Variants in ONECUT3 observed in about 807,000 individuals in gnomAD.
ONECUT3 encodes the protein one cut domain family member 3.
In ONECUT3, 11 loss-of-function variants were observed where a neutral mutation model predicts 16.8. That is an observed-to-expected ratio of 0.66 (90% CI 0.41 to 1.09). The LOEUF is 1.09. ONECUT3 is among the 50% of genes least tolerant of loss of function. The pLI is 0.00. For missense variants in ONECUT3, 637 were observed against 629.9 expected, an observed-to-expected ratio of 1.01 and a Z score of -0.12; for synonymous variants, 344 against 310.7, an observed-to-expected ratio of 1.11 and a Z score of -1.13.
chr19:1,771,634 C>T (rs990413761), intron 1 of ONECUT3, among the ~76,000 whole-genome samples: 22 of 152,244 alleles, frequency 1.4e-4, no homozygotes, highest in Middle Eastern at 3.4e-3. Context: ...TTCACAACAA[C>T]GAGGCTTGAG....
chr19:1,753,909 G>T lies in ONECUT3; in HGVS notation c.247G>T (p.Glu83Ter). ...GGGCGGCGGCGCGGACTTCCGCGGGGAACTGGCGGGCCCGCTGCACCCGGC... is the reference window on the plus strand; with the variant it reads ...GGGCGGCGGCGCGGACTTCCGCGGGTAACTGGCGGGCCCGCTGCACCCGGC... ...SAGGGADFRG[E>*]LAGPLHPAMG... Residue 83 changes from glutamate to a stop codon, truncating the protein, a stop_gained, in exon 1 of 2, where the codon GAA becomes TAA. Transcript: ENST00000382349. LOFTEE classifies it high-confidence loss of function. 1 of 983,292 alleles carries T rather than the reference G, an allele frequency of 1.0e-6. No homozygotes were observed. Among genetic ancestry groups the T allele is most frequent in the Non-Finnish European group, 1.2e-6 (1 of 830,034 alleles). The allele number at this position is 983,292 out of a possible 1,614,324, so 60.9% of individuals were successfully genotyped here.
intron 1 of ONECUT3, among the ~76,000 whole-genome samples, chr19:1,769,073 GTGGAAGTGGAGGTGGAGGTGA>G (rs1418215930): frequency 2.0e-5 from 3 of 146,486 alleles, no homozygotes; most frequent in Non-Finnish European, 4.5e-5. Flanking sequence ...GGTGGAGGTG[GTGGAAGTGGAGGTGGAGGTGA>G]TGGAGGAGGA....
chr19:1,763,732 GT>G (rs35077722), intron 1 of ONECUT3, among the ~76,000 whole-genome samples: 1,675 of 134,474 alleles, frequency 0.012, 16 homozygotes, highest in African/African-American at 0.036. Flanking sequence ...TCCCTTTTTT[GT>G]TTTTTTTTTT....
rs2068091900 is a variant in ONECUT3 at position 1,775,044 on chromosome 19, TCTC to T, written c.1193-107_1193-105del. On this transcript the variant is annotated intron_variant, in intron 1 of 1. Transcript: ENST00000382349. ...ATTCGCCTTTCCCCAACGTGTCCCT[TCTC>T]CCCTCCTCCTCATCCTCCGGGCGGC... 142 of 665,144 alleles carry T rather than the reference TCTC, an allele frequency of 2.1e-4. 3 individuals carry two copies. The South Asian group carries it at 2.8e-3, about 13-fold the overall frequency. 41.2% of individuals were successfully genotyped at this position (665,144 alleles called of 1,614,324 possible). A position where few individuals can be genotyped will look rare whatever the true frequency, so the allele number is the denominator to read the frequency against.
In ONECUT3 at chr19:1,762,374, C is replaced by A. The variant is rs57441403; in HGVS notation, c.1192+7520C>A. The stretch of plus-strand genomic sequence containing the variant: ...GAGTAGACCCTCAGTGAGTGGGATG[C>A]GCGAGTTGGGGACGCTAGTTGCGGG... On this transcript the variant is annotated intron_variant, in intron 1 of 1. Transcript: ENST00000382349. The surrounding 1 kb of genome is among the most constrained non-coding windows in gnomAD (Gnocchi z 4.4). Among the ~76,000 whole-genome samples the A allele has an allele frequency of 0.027, 4,040 of 152,310 alleles. 230 individuals carry two copies. The highest frequency in any genetic ancestry group is 0.24 in the East Asian group (1,244 of 5,164).
At chr19:1,760,080 CCCT>C (rs145473656) in intron 1 of ONECUT3, among the ~76,000 whole-genome samples, 4,050 of 152,320 alleles carry the variant, frequency 0.027, 87 homozygotes, top group Non-Finnish European at 0.043. Flanking sequence ...ACAGCCCTTC[CCCT>C]CCTCCTCAGC....
chr19:1,757,924 C>G (rs13382049), intron 1 of ONECUT3, among the ~76,000 whole-genome samples: 4 of 152,224 alleles, frequency 2.6e-5, no homozygotes. Flanking sequence ...GCCGCCCTTT[C>G]TACTCCGGCA....
chr19:1,768,244 G>A (rs1344831664), intron 1 of ONECUT3, among the ~76,000 whole-genome samples: 1 of 150,878 alleles, frequency 6.6e-6, no homozygotes. Context: ...GCCTCGCAGG[G>A]AAGGAGATAC....
Position 1,753,640 on chromosome 19 carries a change from G to A in ONECUT3, c.-23G>A. On this transcript the variant is annotated 5_prime_UTR_variant, in exon 1 of 2. Transcript: ENST00000382349. ...ACTAGGGGCCGGCGCTGAGGAGCGCGCGCGGCGGGAGGGCAGCCGAGCATG... is the reference window on the plus strand; with the variant it reads ...ACTAGGGGCCGGCGCTGAGGAGCGCACGCGGCGGGAGGGCAGCCGAGCATG... 1.0e-6 allele frequency: 1 copy of A among 993,980 alleles called. No homozygotes were observed. Among genetic ancestry groups the A allele is most frequent in the Non-Finnish European group, 1.2e-6 (1 of 820,360 alleles). The allele number at this position is 993,980 out of a possible 1,614,324, so 61.6% of individuals were successfully genotyped here.
chr19:1,775,347 A>T lies in ONECUT3; in HGVS notation c.1387A>T (p.Met463Leu). The change falls in exon 2 of 2, where the codon ATG (methionine) becomes TTG (leucine). Residue 463 changes from methionine (M) to leucine (L), a missense_variant. Physicochemically the swap from Met to Leu is conservative, Grantham distance 15. Around this residue, in one of 3 missense-constraint regions of ONECUT3, gnomAD observed 183 missense variants for 188.3 expected, o/e 0.97. Transcript: ENST00000382349. ...LELNTVSNFF[M>L]NARRRCMNRW... Reference sequence around the variant, plus strand: ...GCTCAACACCGTCAGCAACTTCTTCATGAACGCGCGGCGCCGCTGCATGAA... The same window carrying T: ...GCTCAACACCGTCAGCAACTTCTTCTTGAACGCGCGGCGCCGCTGCATGAA... 1 of 1,505,532 alleles carries T rather than the reference A, an allele frequency of 6.6e-7. No individual in the cohort carries two copies. Among genetic ancestry groups the T allele is most frequent in the Non-Finnish European group, 8.9e-7 (1 of 1,117,536 alleles). The allele number at this position is 1,505,532 out of a possible 1,614,324, so 93.3% of individuals were successfully genotyped here. A position where few individuals can be genotyped will look rare whatever the true frequency, so the allele number is the denominator to read the frequency against.
Position 1,756,344 on chromosome 19 carries a change from G to A in ONECUT3, c.1192+1490G>A, listed in dbSNP as rs2067916051. Among the ~76,000 whole-genome samples, 3 of 152,194 alleles carry A rather than the reference G, an allele frequency of 2.0e-5. No individual in the cohort carries two copies. The South Asian group carries it at 6.2e-4, about 32-fold the overall frequency. On this transcript the variant is annotated intron_variant, in intron 1 of 1. Coordinates refer to ENST00000382349, the MANE Select transcript of ONECUT3 (RefSeq NM_001080488.2). ...GGAAAATAAATAGTCTTTCGCGTGT[G>A]GCAGGGTAACCTTGTGCTCAGGGAG...
At chr19:1,765,319 G>A (rs1568596362) in intron 1 of ONECUT3, among the ~76,000 whole-genome samples, 2 of 152,164 alleles carry the variant, frequency 1.3e-5, no homozygotes, top group Non-Finnish European at 2.9e-5. Flanking sequence ...GGGATTCAGG[G>A]ACCTTCCCTC....
chr19:1,762,543 T>C lies in ONECUT3; in HGVS notation c.1192+7689T>C, dbSNP rs62130139. ...CGGAGTCGGGCTGGGGCCGCCGCGT[T>C]GCGCACATCGGTCCTTGGCGGGTGT... On this transcript the variant is annotated intron_variant, in intron 1 of 1. Coordinates refer to ENST00000382349, the MANE Select transcript of ONECUT3 (RefSeq NM_001080488.2). The surrounding 1 kb of genome is among the most constrained non-coding windows in gnomAD (Gnocchi z 4.4). Among the ~76,000 whole-genome samples, 11,680 of 152,310 alleles carry C rather than the reference T, an allele frequency of 0.077. 641 individuals carry two copies. Among genetic ancestry groups the C allele is most frequent in the Middle Eastern group, 0.18 (53 of 294 alleles).
rs568288806 is a variant in ONECUT3 at position 1,775,661 on chromosome 19, C to T, written c.*216C>T. On this transcript the variant is annotated 3_prime_UTR_variant, in exon 2 of 2. Coordinates refer to ENST00000382349, the MANE Select transcript of ONECUT3 (RefSeq NM_001080488.2). ...TTCCTCCCTCCATGCCCACTCCCTC[C>T]AGGCCAAAGGAAGCCCTCCACCCCC... 7.8e-4 allele frequency: 349 copies of T among 447,452 alleles called. 1 individual carries two copies. The highest frequency in any genetic ancestry group is 7.0e-3 in the African/African-American group (322 of 46,124). The allele number at this position is 447,452 out of a possible 1,614,324, so 27.7% of individuals were successfully genotyped here.
Position 1,754,089 on chromosome 19 carries a change from G to GCGCACC in ONECUT3, c.436_441dup (p.His146_Pro147dup). On this transcript the variant is annotated inframe_insertion, in exon 1 of 2. Transcript: ENST00000382349. This position sits in a 1 kb window ranked among gnomAD's most constrained non-coding sequence, Gnocchi z 7.4. ...CGGGGCGCACGGCGGCCATCCCCACGCGCACCCGCACCCGGCGGCCGCGCC... is the reference window on the plus strand; with the variant it reads ...CGGGGCGCACGGCGGCCATCCCCACGCGCACCCGCACCCGCACCCGGCGGCCGCGCC... 1.0e-6 allele frequency: 1 copy of GCGCACC among 1,003,306 alleles called. No individual in the cohort carries two copies. The highest frequency in any genetic ancestry group is 1.2e-6 in the Non-Finnish European group (1 of 844,146). 62.2% of individuals were successfully genotyped at this position (1,003,306 alleles called of 1,614,324 possible).
At position 1,776,119 on chromosome 19, in the gene ONECUT3, T is replaced by TG. The variant is rs1260571666; in HGVS notation, c.*678dup. ...GCCAAGAATCGCCTGCCTTAAAGTCTGGGGAGGGGCCTGCGGCGGGCGCCC... is the reference window on the plus strand; with the variant it reads ...GCCAAGAATCGCCTGCCTTAAAGTCTGGGGGAGGGGCCTGCGGCGGGCGCCC... On this transcript the variant is annotated 3_prime_UTR_variant, in exon 2 of 2. Transcript: ENST00000382349. This position sits in a 1 kb window ranked among gnomAD's most constrained non-coding sequence, Gnocchi z 4.9. 1.3e-5 allele frequency: 2 copies of TG among 152,204 alleles called. No homozygotes were observed. Among genetic ancestry groups the TG allele is most frequent in the African/African-American group, 2.4e-5 (1 of 41,426 alleles). The allele number at this position is 152,204 out of a possible 1,614,324, so 9.4% of individuals were successfully genotyped here.
Position 1,754,189 on chromosome 19 carries a change from C to T in ONECUT3, c.527C>T (p.Ala176Val), listed in dbSNP as rs2067903958. 7.1e-6 allele frequency: 8 copies of T among 1,134,112 alleles called. No homozygotes were observed. The highest frequency in any genetic ancestry group is 5.5e-6 in the Non-Finnish European group (5 of 916,144). The allele number at this position is 1,134,112 out of a possible 1,614,324, so 70.3% of individuals were successfully genotyped here. Residue 176 changes from alanine (A) to valine (V), a missense_variant, in exon 1 of 2, where the codon GCG becomes GTG. By Grantham distance (64) the Ala-to-Val change is moderately conservative. Transcript: ENST00000382349. This position sits in a 1 kb window ranked among gnomAD's most constrained non-coding sequence, Gnocchi z 7.4. ...GSFTLMRDERAALASVGHLYG... is the reference protein window; with the variant it reads ...GSFTLMRDERVALASVGHLYG... Reference sequence around the variant, plus strand: ...TTCACCCTCATGCGCGACGAGCGGGCGGCGCTCGCCTCCGTGGGCCACCTC... The same window carrying T: ...TTCACCCTCATGCGCGACGAGCGGGTGGCGCTCGCCTCCGTGGGCCACCTC...
rs1248734168 is a variant in ONECUT3, at chr19:1,758,233, G to A, written c.1192+3379G>A. ...ACCGGGAGCGGGAGAAACAGACGGG[G>A]AGAAGAGAAAAAGAAGCCCAGAAAG... On this transcript the variant is annotated intron_variant, in intron 1 of 1. Transcript: ENST00000382349. This position sits in a 1 kb window ranked among gnomAD's most constrained non-coding sequence, Gnocchi z 5.9. Among the ~76,000 whole-genome samples the A allele has an allele frequency of 6.6e-6, 1 of 151,408 alleles. No homozygotes were observed. The highest frequency in any genetic ancestry group is 2.4e-5 in the African/African-American group (1 of 41,100).
chr19:1,772,316 C>T (rs934719464), intron 1 of ONECUT3, among the ~76,000 whole-genome samples: 29 of 151,756 alleles, frequency 1.9e-4, no homozygotes, highest in African/African-American at 6.5e-4. Context: ...CCCAGTGGGC[C>T]TATTTATATT....
Sources: allele counts gnomAD v4.1 joint callset (sites outside exome capture counted in the v4.1 genomes callset), GRCh38; gene constraint gnomAD v4.1.1; regional missense constraint gnomAD v4.1.1; non-coding constraint Gnocchi (gnomAD v3.1); transcripts MANE v1.5; gene names NCBI Gene and HGNC (gene_info 2026-07-23, HGNC 2026-07-21).